Variants in IL1RAPL2 observed in about 807,000 individuals in gnomAD.
IL1RAPL2 encodes the protein X-linked interleukin-1 receptor accessory protein-like 2.
In IL1RAPL2, 3 loss-of-function variants were observed where a neutral mutation model predicts 44.1. The observed-to-expected ratio is 0.07, with a 90% CI of 0.03 to 0.18. The LOEUF (loss-of-function observed/expected upper bound fraction) is 0.18, where lower values mean the gene tolerates loss of function less well. IL1RAPL2 is among the 10% of genes least tolerant of loss of function. The pLI, the probability that IL1RAPL2 is intolerant of heterozygous loss-of-function variation, is 1.00. For missense variants in IL1RAPL2, 391 were observed against 496.4 expected, an observed-to-expected ratio of 0.79 and a Z score of 2.02; for synonymous variants, 181 against 178.8, an observed-to-expected ratio of 1.01 and a Z score of -0.10.
chrX:104,603,122 A>G (rs371827636), intron 1 of IL1RAPL2, among the ~76,000 whole-genome samples: 25 of 111,748 alleles, frequency 2.2e-4, no homozygotes, highest in African/African-American at 7.8e-4. Context: ...GGAAGCTTCC[A>G]GAGGAAAGAT....
chrX:104,959,762 T>G (rs960863480), intron 2 of IL1RAPL2, among the ~76,000 whole-genome samples: 1 of 110,925 alleles, frequency 9.0e-6, no homozygotes, highest in African/African-American at 3.3e-5. Flanking sequence ...TGACAAAACA[T>G]TGGGCAATCC....
chrX:104,605,932 C>T (rs1036812729), intron 1 of IL1RAPL2, among the ~76,000 whole-genome samples: 1 of 111,795 alleles, frequency 8.9e-6, no homozygotes, highest in Non-Finnish European at 1.9e-5. Flanking sequence ...CTATTCCAAT[C>T]AATAGAAAAA....
chrX:104,642,816 A>G (rs1433284195), intron 1 of IL1RAPL2, among the ~76,000 whole-genome samples: 4 of 111,780 alleles, frequency 3.6e-5, no homozygotes, highest in Non-Finnish European at 7.5e-5. Context: ...CTGGGTAAAA[A>G]GGTTTGAATT....
At chrX:105,638,072 G>A (rs975969977) in intron 6 of IL1RAPL2, among the ~76,000 whole-genome samples, 1 of 109,668 alleles carries the variant, frequency 9.1e-6, no homozygotes, top group Non-Finnish European at 1.9e-5. Flanking sequence ...ACATACTATA[G>A]CAAAGACTCA....
intron 2 of IL1RAPL2, among the ~76,000 whole-genome samples, chrX:105,075,438 G>T (rs762711548): frequency 9.0e-6 from 1 of 111,452 alleles, no homozygotes; most frequent in South Asian, 3.8e-4. Context: ...GCTGGATTCG[G>T]TTTGCCAGTA....
chrX:104,644,267 A>T (rs1254467145), intron 1 of IL1RAPL2, among the ~76,000 whole-genome samples: 2 of 111,701 alleles, frequency 1.8e-5, no homozygotes, highest in Non-Finnish European at 1.9e-5. Context: ...CAGAAATTTG[A>T]ATCAGTGAAC....
chrX:105,644,402 A>G (rs1308234236), intron 6 of IL1RAPL2, among the ~76,000 whole-genome samples: 2 of 110,999 alleles, frequency 1.8e-5, no homozygotes, highest in Non-Finnish European at 3.8e-5. Flanking sequence ...ATAAAATTAA[A>G]AGTAAAAATT....
intron 6 of IL1RAPL2, among the ~76,000 whole-genome samples, chrX:105,674,096 A>C (rs1464842403): frequency 9.0e-6 from 1 of 111,710 alleles, no homozygotes; most frequent in Non-Finnish European, 1.9e-5. Flanking sequence ...TAAATTGAAA[A>C]AATTTTCTCC....
chrX:105,184,775 C>A (rs1336200379), intron 2 of IL1RAPL2, among the ~76,000 whole-genome samples: 1 of 109,039 alleles, frequency 9.2e-6, no homozygotes, highest in Non-Finnish European at 1.9e-5. Flanking sequence ...TCACCTATGA[C>A]CTAAATTTGA....
chrX:105,118,915 T>G (rs2032891439), intron 2 of IL1RAPL2, among the ~76,000 whole-genome samples: 1 of 112,131 alleles, frequency 8.9e-6, no homozygotes, highest in African/African-American at 3.2e-5. Flanking sequence ...ACTGCAACTA[T>G]GTAGGTCTAA....
At chrX:105,362,424 A>G (rs2035254366) in intron 5 of IL1RAPL2, among the ~76,000 whole-genome samples, 1 of 111,237 alleles carries the variant, frequency 9.0e-6, no homozygotes, top group Non-Finnish European at 1.9e-5. Context: ...AAATTTTAAG[A>G]TATATTTTAC....
intron 2 of IL1RAPL2, among the ~76,000 whole-genome samples, chrX:104,694,294 T>G (rs752004361): frequency 2.7e-5 from 3 of 111,885 alleles, no homozygotes; most frequent in African/African-American, 6.5e-5. Context: ...AGACTGTAAT[T>G]AACAACTATG....
At chrX:105,724,781 T>G (rs1180779604) in intron 7 of IL1RAPL2, among the ~76,000 whole-genome samples, 1 of 112,031 alleles carries the variant, frequency 8.9e-6, no homozygotes, top group Non-Finnish European at 1.9e-5. Context: ...AGAAGTCAAA[T>G]AATTATTTCG....
intron 1 of IL1RAPL2, among the ~76,000 whole-genome samples, chrX:104,617,322 A>G (rs769970640): frequency 8.9e-6 from 1 of 111,863 alleles, no homozygotes; most frequent in African/African-American, 3.2e-5. Flanking sequence ...TTGACTTTGG[A>G]TAGTCTGGTG....
intron 2 of IL1RAPL2, among the ~76,000 whole-genome samples, chrX:105,133,191 TA>T (rs2033044558): frequency 8.9e-6 from 1 of 112,091 alleles, no homozygotes; most frequent in African/African-American, 3.2e-5. Flanking sequence ...ATATTCTGTG[TA>T]AATATAACCT....
chrX:105,428,541 G>A (rs375224055), intron 5 of IL1RAPL2, among the ~76,000 whole-genome samples: 32 of 111,474 alleles, frequency 2.9e-4, no homozygotes, highest in African/African-American at 8.5e-4. Flanking sequence ...TCACTTCTGC[G>A]AAAAGAGGGA....
chrX:104,893,428 C>G (rs1201403031), intron 2 of IL1RAPL2, among the ~76,000 whole-genome samples: 1 of 111,300 alleles, frequency 9.0e-6, no homozygotes. Context: ...GTCTAAGTCT[C>G]TTTGTAGGTC....
chrX:105,296,524 A>G (rs1422622948), intron 5 of IL1RAPL2, among the ~76,000 whole-genome samples: 1 of 112,674 alleles, frequency 8.9e-6, no homozygotes, highest in Non-Finnish European at 1.9e-5. Context: ...GATGGTCACT[A>G]TGCAGCTGCC....
intron 5 of IL1RAPL2, among the ~76,000 whole-genome samples, chrX:105,447,367 A>AAATATATAAATATATAAATT (rs2035972950): frequency 1.5e-5 from 1 of 67,693 alleles, no homozygotes; most frequent in Admixed American, 2.8e-4. Context: ...ATATATAAAT[A>AAATATATAAATATATAAATT]TAAATATATA....
Sources: gnomAD v4.1 joint callset for allele counts (sites outside exome capture counted in the v4.1 genomes callset) on GRCh38, gnomAD v4.1.1 for gene constraint, MANE v1.5 for transcripts, NCBI Gene and HGNC (gene_info 2026-07-23, HGNC 2026-07-21) for gene names.